Variants in EXO1 observed in about 807,000 individuals in gnomAD.
EXO1 encodes the protein exonuclease 1.
A neutral mutation model predicts 84.5 loss-of-function variants in EXO1; 69 were observed. The ratio of observed to expected loss-of-function variants is 0.82; its 90% confidence interval spans 0.67 to 1.00. The LOEUF (loss-of-function observed/expected upper bound fraction) is 1.00, where lower values mean the gene tolerates loss of function less well. EXO1 is among the 50% of genes least tolerant of loss of function. The pLI is 0.00. For synonymous variants in EXO1, 373 were observed against 366.1 expected, an observed-to-expected ratio of 1.02 and a Z score of -0.21; for missense variants, 1,045 against 1,000.7, an observed-to-expected ratio of 1.04 and a Z score of -0.60.
chr1:241,876,819 T>C (rs995784153), intron 12 of EXO1, among the ~76,000 whole-genome samples: 3 of 152,118 alleles, frequency 2.0e-5, no homozygotes, highest in Non-Finnish European at 4.4e-5. Flanking sequence ...ATATAATGGA[T>C]TGGAAGCGGC....
intron 11 of EXO1, among the ~76,000 whole-genome samples, chr1:241,869,663 TTG>T (rs1661961342): frequency 6.6e-6 from 1 of 152,194 alleles, no homozygotes; most frequent in Non-Finnish European, 1.5e-5. Flanking sequence ...TAAAAGGTTT[TTG>T]TGTATGTTAT....
rs1464791842 is a variant in EXO1 at position 241,866,906 on chromosome 1, G to A, written c.1118G>A (p.Arg373Lys). 1.9e-6 allele frequency: 3 copies of A among 1,614,024 alleles called. No individual in the cohort carries two copies. Among genetic ancestry groups the A allele is most frequent in the South Asian group, 1.1e-5 (1 of 91,090 alleles). ...KSANVSSIWH[R>K]NYSPRPESGT... Reference sequence around the variant, plus strand: ...GCTAATGTTAGCAGCATTTGGCATAGGAATTACTCTCCCAGACCAGAGTCG... The same window carrying A: ...GCTAATGTTAGCAGCATTTGGCATAAGAATTACTCTCCCAGACCAGAGTCG... The change falls in exon 11 of 16, where the codon AGG (arginine) becomes AAG (lysine). Residue 373 changes from arginine to lysine, a missense_variant. Transcript: ENST00000366548.
In EXO1 at chr1:241,884,983, A is replaced by G. The variant is rs1392570964; in HGVS notation, c.2212-331A>G. Among the ~76,000 whole-genome samples, 3 of 152,130 alleles carry G rather than the reference A, an allele frequency of 2.0e-5. No homozygotes were observed. The East Asian group carries it at 5.8e-4, about 29-fold the overall frequency. ...AGCGCTTTGGGAGGCTGAGGCGAGC[A>G]GATCACAAGGTCAGGAGATCGAGAC... On this transcript the variant is annotated intron_variant, in intron 14 of 15. Coordinates refer to ENST00000366548, the MANE Select transcript of EXO1 (RefSeq NM_130398.4).
At chr1:241,877,682 C>T (rs1662474682) in intron 12 of EXO1, among the ~76,000 whole-genome samples, 1 of 151,972 alleles carries the variant, frequency 6.6e-6, no homozygotes, top group South Asian at 2.1e-4. Context: ...ACTCTCTTTG[C>T]CTCCTCAATA....
chr1:241,878,011 A>T (rs965576700), intron 12 of EXO1, among the ~76,000 whole-genome samples: 3 of 152,172 alleles, frequency 2.0e-5, no homozygotes, highest in Middle Eastern at 3.2e-3. Flanking sequence ...ATATCTTTTC[A>T]TGCGTTTGAC....
chr1:241,868,338 G>A (rs1238674717), intron 11 of EXO1, among the ~76,000 whole-genome samples: 1 of 142,680 alleles, frequency 7.0e-6, no homozygotes, highest in Non-Finnish European at 1.5e-5. Flanking sequence ...ATCACGCAGT[G>A]CACTCCAGCC....
chr1:241,865,190 TA>T (rs201673082), intron 10 of EXO1, among the ~76,000 whole-genome samples: 11,852 of 149,476 alleles, frequency 0.079, 690 homozygotes, highest in Admixed American at 0.19. Flanking sequence ...TATATATATA[TA>T]TATATTTTTT....
intron 10 of EXO1, among the ~76,000 whole-genome samples, chr1:241,865,566 A>G (rs1325478823): frequency 6.6e-6 from 1 of 152,140 alleles, no homozygotes; most frequent in African/African-American, 2.4e-5. Flanking sequence ...AAACTCAAAA[A>G]TAGTTGACAG....
intron 3 of EXO1, among the ~76,000 whole-genome samples, chr1:241,850,142 G>A (rs533803787): frequency 6.6e-6 from 1 of 152,198 alleles, no homozygotes; most frequent in East Asian, 1.9e-4. Flanking sequence ...TTAGCCGGGC[G>A]CGGTGGCGGG....
At position 241,889,475 on chromosome 1, in the gene EXO1, A is replaced by G. The variant is rs1204537784; in HGVS notation, c.2416A>G (p.Lys806Glu). 6.2e-7 allele frequency: 1 copy of G among 1,613,350 alleles called. No individual in the cohort carries two copies. The highest frequency in any genetic ancestry group is 8.5e-7 in the Non-Finnish European group (1 of 1,179,370). The change falls in exon 16 of 16, where the codon AAG becomes GAG. Residue 806 changes from lysine to glutamate, a missense_variant. Lys to Glu is a moderately conservative substitution (Grantham distance 56). Transcript: ENST00000366548. ...TATTGTATTTTGCAGAGATTCTGAAAAGCTTCCTCCTTGTAAGAAACCCCT... is the reference window on the plus strand; with the variant it reads ...TATTGTATTTTGCAGAGATTCTGAAGAGCTTCCTCCTTGTAAGAAACCCCT... ...KNFGFKKDSE[K>E]LPPCKKPLSP...
Position 241,860,582 on chromosome 1 carries a change from G to A in EXO1, c.822G>A (p.Gly274=). 6.2e-7 allele frequency: 1 copy of A among 1,613,994 alleles called. No homozygotes were observed. Among genetic ancestry groups the A allele is most frequent in the Non-Finnish European group, 8.5e-7 (1 of 1,179,908 alleles). Residue 274 remains glycine, a synonymous_variant, in exon 9 of 16, where the codon GGG becomes GGA. Coordinates refer to ENST00000366548, the MANE Select transcript of EXO1 (RefSeq NM_130398.4). Reference sequence around the variant, plus strand: ...CGGTACCAGAGGATTACATCAACGGGTTTATTCGGGCCAACAATACCTTCC... The same window carrying A: ...CGGTACCAGAGGATTACATCAACGGATTTATTCGGGCCAACAATACCTTCC... ...NITVPEDYIN[G]FIRANNTFLY...
In EXO1 at chr1:241,864,246, G is replaced by A. The variant is rs188385832; in HGVS notation, c.1042-2584G>A. On this transcript the variant is annotated intron_variant, in intron 10 of 15. Transcript: ENST00000366548. ...TTTGTGAATTCTCCAATGTTGGAAT[G>A]TTCTCTGCACAGTTACATTTTTCCA... 2.0e-5 allele frequency among the ~76,000 whole-genome samples: 3 copies of A among 152,252 alleles called. No individual in the cohort carries two copies. The East Asian group carries it at 5.8e-4, about 29-fold the overall frequency.
rs774000300 is a variant in EXO1, at chr1:241,881,971, T to C, written c.2165T>C (p.Leu722Pro). The change falls in exon 14 of 16, where the codon CTA (leucine) becomes CCA (proline). Residue 722 changes from leucine (L) to proline (P), a missense_variant. Transcript: ENST00000366548. ...AGTCAAAGTGACCAGACCTCCAAGCTACGTTTATCTCATTTCTCAAAAAAA... is the reference window on the plus strand; with the variant it reads ...AGTCAAAGTGACCAGACCTCCAAGCCACGTTTATCTCATTTCTCAAAAAAA... ...LDSQSDQTSKLRLSHFSKKDT... is the reference protein window; with the variant it reads ...LDSQSDQTSKPRLSHFSKKDT... 6.3e-7 allele frequency: 1 copy of C among 1,585,064 alleles called. No homozygotes were observed.
chr1:241,865,339 C>G (rs1047642242), intron 10 of EXO1, among the ~76,000 whole-genome samples: 2 of 151,290 alleles, frequency 1.3e-5, no homozygotes, highest in East Asian at 1.9e-4. Flanking sequence ...AGGCTCCCAA[C>G]TAGCTGGAAT....
chr1:241,867,249 G>A (rs1661801774), intron 11 of EXO1, among the ~76,000 whole-genome samples, 194 bp downstream of exon 11: 4 of 152,154 alleles, frequency 2.6e-5, no homozygotes, highest in South Asian at 2.1e-4. Flanking sequence ...TTTAATGGAC[G>A]CACAGTTCCA....
chr1:241,860,702 G>T lies in EXO1; in HGVS notation c.942G>T (p.Gly314=), dbSNP rs569695378. Residue 314 remains glycine, a splice_region_variant and synonymous_variant, in exon 9 of 16, where the codon GGG becomes GGT. Transcript: ENST00000366548. The part of the protein sequence containing the change: ...DVDPETLSYA[G]QYVDDSIALQ... ...ATCCTGAAACACTAAGCTACGCTGG[G>T]CAGTATCCTTTCTGAAACAGAATGG... is the stretch of plus-strand genomic sequence containing the variant. 246 of 1,611,336 alleles carry T rather than the reference G, an allele frequency of 1.5e-4. 1 individual carries two copies. The South Asian group carries it at 2.4e-3, about 16-fold the overall frequency.
At chr1:241,878,425 G>A (rs375476229) in intron 12 of EXO1, among the ~76,000 whole-genome samples, 248 of 151,598 alleles carry the variant, frequency 1.6e-3, no homozygotes, top group African/African-American at 5.8e-3. Flanking sequence ...TGAACCCGGG[G>A]GGCGGAGGTT....
At chr1:241,885,575 T>C in intron 15 of EXO1, 68 bp downstream of exon 15, 3 of 1,142,150 alleles carry the variant, frequency 2.6e-6, no homozygotes, top group Non-Finnish European at 4.0e-6. Flanking sequence ...CATCCCTTTC[T>C]CCCAACTCTT....
Position 241,852,337 on chromosome 1 carries a change from TG to T in EXO1, c.210del (p.Ile71SerfsTer18). ...MKFVNMLLSHGIKPILVFDGC... is the reference protein window; with the variant it reads ...MKFVNMLLSHXIKPILVFDGC... ...AATTTGTAAATATGTTACTATCTCA[TG>T]GGATCAAGCCTATTCTCGTATTTGA... On this transcript the variant is annotated frameshift_variant, in exon 5 of 16. Transcript: ENST00000366548. LOFTEE classifies it high-confidence loss of function. 6.3e-7 allele frequency: 1 copy of T among 1,594,734 alleles called. No individual in the cohort carries two copies. The highest frequency in any genetic ancestry group is 8.6e-7 in the Non-Finnish European group (1 of 1,162,850).
Sources: allele counts gnomAD v4.1 joint callset (sites outside exome capture counted in the v4.1 genomes callset), GRCh38; gene constraint gnomAD v4.1.1; transcripts MANE v1.5; gene names NCBI Gene and HGNC (gene_info 2026-07-23, HGNC 2026-07-21).